Variants in SDK1 observed in about 807,000 individuals in gnomAD.
SDK1 encodes the protein sidekick cell adhesion molecule 1, also known as protein sidekick-1.
SDK1 carries 157 observed loss-of-function variants against 245.5 expected under a neutral mutation model. The observed-to-expected ratio is 0.64, with a 90% CI of 0.56 to 0.73. The LOEUF is 0.73. Ranked by LOEUF, SDK1 falls within the 30% of genes least tolerant of loss-of-function variation. The pLI is 0.00. For missense variants in SDK1, 3,583 were observed against 3,002.3 expected, an observed-to-expected ratio of 1.19 and a Z score of -4.52; for synonymous variants, 1,647 against 1,278.5, an observed-to-expected ratio of 1.29 and a Z score of -6.15.
At chr7:3,730,811 C>G (rs990086930) in intron 4 of SDK1, among the ~76,000 whole-genome samples, 19 of 152,170 alleles carry the variant, frequency 1.2e-4, no homozygotes, top group African/African-American at 4.3e-4. Context: ...ATATAACCCT[C>G]TCTTTGGCAG....
chr7:3,923,931 G>T (rs1220218815), intron 5 of SDK1, among the ~76,000 whole-genome samples: 1 of 152,152 alleles, frequency 6.6e-6, no homozygotes, highest in East Asian at 1.9e-4. Context: ...GACAGGGCTT[G>T]CTCATGCTGT....
At chr7:3,967,209 C>A in intron 9 of SDK1, 109 bp from the exon 10 acceptor site, 3 of 810,764 alleles carry the variant, frequency 3.7e-6, no homozygotes, top group Non-Finnish European at 6.4e-6. Context: ...TGTATTGCTA[C>A]AGTTACCTCT....
intron 1 of SDK1, among the ~76,000 whole-genome samples, chr7:3,456,341 A>G (rs540381899): frequency 1.3e-5 from 2 of 152,286 alleles, no homozygotes; most frequent in Admixed American, 6.5e-5. Context: ...TTGAAGCTCT[A>G]CTGACATAAA....
intron 5 of SDK1, among the ~76,000 whole-genome samples, chr7:3,937,417 G>A (rs1005127358): frequency 8.5e-5 from 13 of 152,168 alleles, no homozygotes; most frequent in South Asian, 6.2e-4. Context: ...AAGGCCATGC[G>A]GCAGAACCAC....
chr7:3,578,241 A>T (rs1479155888), intron 1 of SDK1, among the ~76,000 whole-genome samples: 1 of 152,052 alleles, frequency 6.6e-6, no homozygotes, highest in Non-Finnish European at 1.5e-5. Context: ...CCGCAAAACC[A>T]GCAAGTTTTA....
At chr7:4,224,857 C>T (rs189505867) in intron 40 of SDK1, among the ~76,000 whole-genome samples, 36 of 151,536 alleles carry the variant, frequency 2.4e-4, no homozygotes, top group African/African-American at 7.8e-4. Context: ...GTGGCATGCA[C>T]CTATAGTCCC....
chr7:3,317,673 T>G (rs139231826), intron 1 of SDK1, among the ~76,000 whole-genome samples: 6 of 152,324 alleles, frequency 3.9e-5, no homozygotes, highest in Non-Finnish European at 8.8e-5. Context: ...AGGAGCTGGT[T>G]TTTCCTTGTT....
At chr7:3,685,485 A>T (rs972216630) in intron 4 of SDK1, among the ~76,000 whole-genome samples, 2 of 152,234 alleles carry the variant, frequency 1.3e-5, no homozygotes, top group Non-Finnish European at 2.9e-5. Context: ...AACAGAAATA[A>T]TAGAATAAAA....
rs114882449 is a variant in SDK1, at chr7:3,718,423, G to A, written c.713+76318G>A. Among the ~76,000 whole-genome samples, 914 of 151,860 alleles carry A rather than the reference G, an allele frequency of 6.0e-3. 12 individuals carry two copies. Among genetic ancestry groups the A allele is most frequent in the African/African-American group, 0.021 (876 of 41,404 alleles). On this transcript the variant is annotated intron_variant, in intron 4 of 44. Transcript: ENST00000404826. ...ATGGTGGGCCTAAGGTGGGAGGATC[G>A]CTTGAGCCCCGGAGGTTGAGGCCCG...
At chr7:3,661,466 C>T (rs964306258) in intron 4 of SDK1, among the ~76,000 whole-genome samples, 7 of 152,142 alleles carry the variant, frequency 4.6e-5, no homozygotes, top group Admixed American at 1.3e-4. Flanking sequence ...AGTACCCCGC[C>T]TTCATCTATC....
chr7:3,718,011 A>C (rs948428242), intron 4 of SDK1, among the ~76,000 whole-genome samples: 2 of 152,160 alleles, frequency 1.3e-5, no homozygotes, highest in African/African-American at 4.8e-5. Flanking sequence ...AGGTGCAAAA[A>C]TTCTCAACAC....
intron 1 of SDK1, among the ~76,000 whole-genome samples, chr7:3,406,102 C>T (rs565383679): frequency 2.0e-4 from 31 of 152,180 alleles, no homozygotes; most frequent in African/African-American, 5.8e-4. Context: ...CGTGAGCCAC[C>T]GCTCCTCGTC....
Position 4,029,622 on chromosome 7 carries a change from A to G in SDK1, c.2602+12270A>G, listed in dbSNP as rs1003864654. 3.9e-5 allele frequency among the ~76,000 whole-genome samples: 6 copies of G among 152,240 alleles called. No homozygotes were observed. In the South Asian group the frequency reaches 1.0e-3, roughly 26 times the overall value. ...TAGGTCATTAGATGGACTCCCACTC[A>G]CATCACCCAAGCAGGGTGGGGATTG... On this transcript the variant is annotated intron_variant, in intron 17 of 44. Coordinates refer to ENST00000404826, the MANE Select transcript of SDK1 (RefSeq NM_152744.4).
At chr7:3,790,867 T>C (rs1252102511) in intron 4 of SDK1, among the ~76,000 whole-genome samples, 1 of 151,580 alleles carries the variant, frequency 6.6e-6, no homozygotes, top group African/African-American at 2.4e-5. Flanking sequence ...GCTAGGGAGG[T>C]TGGGACAGGG....
In SDK1 at chr7:4,222,628, C is replaced by G. The variant is rs749155551; in HGVS notation, c.5827+1264C>G. Among the ~76,000 whole-genome samples the G allele has an allele frequency of 2.3e-3, 343 of 152,288 alleles. 3 individuals are homozygous for G. Among genetic ancestry groups the G allele is most frequent in the Non-Finnish European group, 7.6e-4 (52 of 68,034 alleles). On this transcript the variant is annotated intron_variant, in intron 40 of 44. Coordinates refer to ENST00000404826, the MANE Select transcript of SDK1 (RefSeq NM_152744.4). ...GAAACTTCTAAGGAGAAACCTAGTG[C>G]AGAAGCGTGAAAAAGCCAAAGGCAA...
chr7:3,604,606 T>C (rs1781360838), intron 1 of SDK1, among the ~76,000 whole-genome samples: 1 of 147,194 alleles, frequency 6.8e-6, no homozygotes, highest in Non-Finnish European at 1.5e-5. Context: ...TCTTTTCTTT[T>C]TTTTTTTTTT....
Position 4,205,041 on chromosome 7 carries a change from C to A in SDK1, c.5099-838C>A, listed in dbSNP as rs149299322. 5.9e-3 allele frequency among the ~76,000 whole-genome samples: 446 copies of A among 76,148 alleles called. 7 individuals are homozygous for A. Among genetic ancestry groups the A allele is most frequent in the African/African-American group, 0.035 (424 of 12,022 alleles). The allele number at this position is 76,148 out of a possible 152,430, so 50.0% of individuals were successfully genotyped here. On this transcript the variant is annotated intron_variant, in intron 35 of 44. Coordinates refer to ENST00000404826, the MANE Select transcript of SDK1 (RefSeq NM_152744.4). ...GTGCGGCCGCAACATCCTCATGTGT[C>A]CTTTGGTTTGCGTGTGCCATGCAGC... is the stretch of plus-strand genomic sequence containing the variant.
Position 4,041,908 on chromosome 7 carries a change from G to A in SDK1, c.2603-7440G>A, listed in dbSNP as rs1360718192. 8.9e-5 allele frequency among the ~76,000 whole-genome samples: 12 copies of A among 134,984 alleles called. 2 individuals are homozygous for A. Among genetic ancestry groups the A allele is most frequent in the Admixed American group, 6.9e-4 (10 of 14,480 alleles). 88.6% of individuals were successfully genotyped at this position (134,984 alleles called of 152,430 possible). A position where few individuals can be genotyped will look rare whatever the true frequency, so the allele number is the denominator to read the frequency against. On this transcript the variant is annotated intron_variant, in intron 17 of 44. Coordinates refer to ENST00000404826, the MANE Select transcript of SDK1 (RefSeq NM_152744.4). Reference sequence around the variant, plus strand: ...GGCTCACTGCAACCTCCGCCTCCCAGGTTCGAGCAATACTCCTGCCTCATC... The same window carrying A: ...GGCTCACTGCAACCTCCGCCTCCCAAGTTCGAGCAATACTCCTGCCTCATC...
chr7:4,206,701 A>G (rs936574093), intron 36 of SDK1, among the ~76,000 whole-genome samples: 41 of 152,096 alleles, frequency 2.7e-4, no homozygotes, highest in South Asian at 1.0e-3. Flanking sequence ...GCCTCCTTAG[A>G]GAGTACAGGG....
Sources: allele counts gnomAD v4.1 joint callset (sites outside exome capture counted in the v4.1 genomes callset), GRCh38; gene constraint gnomAD v4.1.1; transcripts MANE v1.5; gene names NCBI Gene and HGNC (gene_info 2026-07-23, HGNC 2026-07-21).